Variants in CACNA1C observed in about 807,000 individuals in gnomAD.
CACNA1C encodes the protein calcium voltage-gated channel subunit alpha1 C, also known as voltage-dependent L-type calcium channel subunit alpha-1C.
In CACNA1C, 30 loss-of-function variants were observed where a neutral mutation model predicts 229.0. The observed-to-expected ratio is 0.13, with a 90% CI of 0.10 to 0.18. CACNA1C has a LOEUF of 0.18. Ranked by LOEUF, CACNA1C falls within the 10% of genes least tolerant of loss-of-function variation. The probability of loss-of-function intolerance (pLI) is 1.00; values close to 1 mark genes in which losing one functional copy is unlikely to be tolerated. For synonymous variants in CACNA1C, 1,114 were observed against 1,132.5 expected, an observed-to-expected ratio of 0.98 and a Z score of 0.33; for missense variants, 1,658 against 2,845.0, an observed-to-expected ratio of 0.58 and a Z score of 9.49.
At chr12:2,535,773 A>C (rs567148973) in intron 9 of CACNA1C, among the ~76,000 whole-genome samples, 1 of 151,724 alleles carries the variant, frequency 6.6e-6, no homozygotes, top group Non-Finnish European at 1.5e-5. Context: ...CAGATGGACC[A>C]AAGACTCTGT....
chr12:2,228,340 T>C (rs973775433), intron 3 of CACNA1C, among the ~76,000 whole-genome samples: 30 of 152,306 alleles, frequency 2.0e-4, no homozygotes, highest in African/African-American at 6.7e-4. Context: ...AGTAGGTACT[T>C]CTTTATCTTA....
intron 3 of CACNA1C, among the ~76,000 whole-genome samples, chr12:2,128,955 G>C (rs2091295134): frequency 6.6e-6 from 1 of 152,222 alleles, no homozygotes; most frequent in Non-Finnish European, 1.5e-5. Context: ...CCATGCAGAA[G>C]TGGGTGAGGC....
At chr12:2,454,888 C>G (rs1002648805) in intron 4 of CACNA1C, among the ~76,000 whole-genome samples, 4 of 152,212 alleles carry the variant, frequency 2.6e-5, no homozygotes, top group Non-Finnish European at 5.9e-5. Flanking sequence ...TCATGTATTC[C>G]CACAACCACG....
intron 3 of CACNA1C, among the ~76,000 whole-genome samples, chr12:2,176,456 T>C (rs1373394244): frequency 6.6e-6 from 1 of 151,994 alleles, no homozygotes; most frequent in African/African-American, 2.4e-5. Flanking sequence ...TGCTGGCCGC[T>C]TGGGGAGAAG....
chr12:2,165,231 A>G (rs1566085588), intron 3 of CACNA1C, among the ~76,000 whole-genome samples: 1 of 152,244 alleles, frequency 6.6e-6, no homozygotes, highest in Non-Finnish European at 1.5e-5. Flanking sequence ...GTAAACCTGC[A>G]CTTTTAAACA....
chr12:2,195,243 G>T (rs2097365325), intron 3 of CACNA1C, among the ~76,000 whole-genome samples: 1 of 152,184 alleles, frequency 6.6e-6, no homozygotes, highest in Non-Finnish European at 1.5e-5. Context: ...GGGAGGTTAA[G>T]GCATGTCCTG....
At chr12:2,258,534 A>G (rs2078858448) in intron 3 of CACNA1C, among the ~76,000 whole-genome samples, 1 of 152,238 alleles carries the variant, frequency 6.6e-6, no homozygotes, top group South Asian at 2.1e-4. Flanking sequence ...TGTTATCTTC[A>G]TCTTGCATAT....
At chr12:2,040,154 AT>A (rs35226766) in intron 1 of CACNA1C, among the ~76,000 whole-genome samples, 93 of 148,628 alleles carry the variant, frequency 6.3e-4, no homozygotes, top group Middle Eastern at 3.5e-3. Context: ...AACTCCATCT[AT>A]TTTTTTTTTG....
intron 6 of CACNA1C, among the ~76,000 whole-genome samples, chr12:2,489,981 C>G (rs1358448411): frequency 6.6e-6 from 1 of 152,256 alleles, no homozygotes; most frequent in Non-Finnish European, 1.5e-5. Flanking sequence ...AATTTCTCCT[C>G]ACCCTAGAGT....
In CACNA1C at chr12:2,365,377, G is replaced by A. The variant is rs372953780; in HGVS notation, c.478-83599G>A. Among the ~76,000 whole-genome samples, 773 of 152,314 alleles carry A rather than the reference G, an allele frequency of 5.1e-3. 6 individuals are homozygous for A. The highest frequency in any genetic ancestry group is 0.018 in the African/African-American group (734 of 41,564). The stretch of plus-strand genomic sequence containing the variant: ...ACTAGGTTTAGATCAAAAGAATACC[G>A]AAGATAGTGTTGATTTTATTAAGGC... On this transcript the variant is annotated intron_variant, in intron 3 of 46. Transcript: ENST00000399655.
At chr12:2,384,515 A>G (rs961932554) in intron 3 of CACNA1C, among the ~76,000 whole-genome samples, 2 of 152,110 alleles carry the variant, frequency 1.3e-5, no homozygotes, top group African/African-American at 4.8e-5. Context: ...ACAAAAGCCC[A>G]TGGTCAGTCT....
At chr12:2,004,394 C>A (rs751795229) in intron 1 of CACNA1C, 24 of 1,612,366 alleles carry the variant, frequency 1.5e-5, no homozygotes, top group Non-Finnish European at 1.9e-5. Flanking sequence ...GATGTCGCGC[C>A]CCTTTCCCAC....
intron 5 of CACNA1C, among the ~76,000 whole-genome samples, chr12:2,475,061 G>A (rs931070631): frequency 1.2e-4 from 18 of 152,022 alleles, no homozygotes; most frequent in African/African-American, 4.3e-4. Flanking sequence ...GCACTTTGGT[G>A]GGCCGAGGCA....
At position 1,986,399 on chromosome 12, in the gene CACNA1C, T is replaced by G. The variant is rs534906079; in HGVS notation, c.139+15198T>G. On this transcript the variant is annotated intron_variant, in intron 1 of 46. Coordinates refer to the CACNA1C transcript ENST00000682462. ...AAAGTCAGGGTTTATCTCAGGGTTT[T>G]AGACTCTCACACTGTCAGACAGTCT... Among the ~76,000 whole-genome samples, 6 of 152,292 alleles carry G rather than the reference T, an allele frequency of 3.9e-5. No individual in the cohort carries two copies. The South Asian group carries it at 1.2e-3, about 32-fold the overall frequency.
chr12:2,269,025 C>G (rs1441945930), intron 3 of CACNA1C, among the ~76,000 whole-genome samples: 3 of 152,200 alleles, frequency 2.0e-5, no homozygotes, highest in African/African-American at 7.2e-5. Flanking sequence ...GCCCACTGTC[C>G]TGCCCTGGCA....
chr12:2,150,664 G>A (rs781759690), intron 3 of CACNA1C, among the ~76,000 whole-genome samples: 4 of 152,156 alleles, frequency 2.6e-5, no homozygotes. Context: ...AAACACGTGT[G>A]GGTTGGCATG....
At chr12:2,439,791 G>T (rs2099199996) in intron 3 of CACNA1C, among the ~76,000 whole-genome samples, 1 of 151,896 alleles carries the variant, frequency 6.6e-6, no homozygotes, top group African/African-American at 2.4e-5. Flanking sequence ...CTCAATTGCT[G>T]CTTGCCCTCA....
rs1297324364 is a variant in CACNA1C, at chr12:2,467,155, A to C, written c.757+9449A>C. Among the ~76,000 whole-genome samples the C allele has an allele frequency of 2.6e-5, 4 of 151,980 alleles. No homozygotes were observed. Among genetic ancestry groups the C allele is most frequent in the Non-Finnish European group, 5.9e-5 (4 of 67,986 alleles). On this transcript the variant is annotated intron_variant, in intron 5 of 46. Transcript: ENST00000399655. The surrounding 1 kb of genome is among the most constrained non-coding windows in gnomAD (Gnocchi z 4.6). ...CCCGCCCATCGGAGATGGTCCCTAC[A>C]ACATCTTCTAAGCCCTTTCCCTCCC...
chr12:2,507,752 C>T (rs1304922901), intron 8 of CACNA1C, among the ~76,000 whole-genome samples: 1 of 152,210 alleles, frequency 6.6e-6, no homozygotes, highest in Non-Finnish European at 1.5e-5. Flanking sequence ...GTGAAGCTCA[C>T]CAGGCAAAAT....
Sources: gnomAD v4.1 joint callset for allele counts (sites outside exome capture counted in the v4.1 genomes callset) on GRCh38, gnomAD v4.1.1 for gene constraint, Gnocchi (gnomAD v3.1) non-coding constraint, MANE v1.5 for transcripts, NCBI Gene and HGNC (gene_info 2026-07-23, HGNC 2026-07-21) for gene names.